Variants in EFCAB13 observed in about 807,000 individuals in gnomAD.
EFCAB13 encodes EF-hand calcium-binding domain-containing protein 13.
Under a neutral mutation model 110.2 loss-of-function variants are expected in EFCAB13, and 91 were observed. The ratio of observed to expected loss-of-function variants is 0.83; its 90% confidence interval spans 0.70 to 0.98. The LOEUF (loss-of-function observed/expected upper bound fraction) is 0.98. EFCAB13 is among the 50% of genes least tolerant of loss of function. The probability of loss-of-function intolerance (pLI) is 0.00; values close to 1 mark genes in which losing one functional copy is unlikely to be tolerated. For missense variants in EFCAB13, 968 were observed against 1,119.4 expected, an observed-to-expected ratio of 0.86 and a Z score of 1.93; for synonymous variants, 323 against 369.9, an observed-to-expected ratio of 0.87 and a Z score of 1.45.
At chr17:47,408,561 G>A (rs1312439175) in intron 20 of EFCAB13, among the ~76,000 whole-genome samples, 3 of 152,180 alleles carry the variant, frequency 2.0e-5, no homozygotes, top group South Asian at 2.1e-4. Context: ...GCTGAGGCAC[G>A]AGAATGCTTG....
At chr17:47,377,703 G>A in intron 12 of EFCAB13, 63 bp from the exon 13 acceptor site, 1 of 1,377,458 alleles carries the variant, frequency 7.3e-7, no homozygotes, top group Non-Finnish European at 9.7e-7. Context: ...AAGATTTTGA[G>A]TATTATTGCT....
chr17:47,371,062 G>GT (rs779767798), intron 11 of EFCAB13, among the ~76,000 whole-genome samples: 2,137 of 108,968 alleles, frequency 0.02, 19 homozygotes, highest in Middle Eastern at 0.069. Context: ...TTTAATGGTT[G>GT]TTTTTTTTTT....
rs1005240110 is a variant in EFCAB13, at chr17:47,441,081, GC to G, written c.*368del. 2 of 156,178 alleles carry G rather than the reference GC, an allele frequency of 1.3e-5. No homozygotes were observed. Among genetic ancestry groups the G allele is most frequent in the African/African-American group, 4.8e-5 (2 of 41,536 alleles). 9.7% of individuals were successfully genotyped at this position (156,178 alleles called of 1,614,324 possible). A position where few individuals can be genotyped will look rare whatever the true frequency, so the allele number is the denominator to read the frequency against. ...TTTCTTCCTCTACCCTGAGCCCCTG[GC>G]AACTACTGATTCATTCTTTGTCCCT... On this transcript the variant is annotated 3_prime_UTR_variant, in exon 25 of 25. Transcript: ENST00000331493.
intron 9 of EFCAB13, among the ~76,000 whole-genome samples, chr17:47,355,225 A>C (rs1029070887): frequency 6.6e-6 from 1 of 152,176 alleles, no homozygotes; most frequent in Non-Finnish European, 1.5e-5. Context: ...TCTAGCTTGT[A>C]GGGTTTCTGC....
At chr17:47,363,931 A>G (rs1469642219) in intron 10 of EFCAB13, among the ~76,000 whole-genome samples, 3 of 152,006 alleles carry the variant, frequency 2.0e-5, no homozygotes, top group South Asian at 2.1e-4. Context: ...GAAAATGTAA[A>G]ATGGGGATTT....
At chr17:47,373,723 T>C (rs908231332) in intron 11 of EFCAB13, among the ~76,000 whole-genome samples, 4 of 152,196 alleles carry the variant, frequency 2.6e-5, no homozygotes, top group Admixed American at 6.5e-5. Flanking sequence ...TTTCAGACTT[T>C]AATATTAAAA....
intron 23 of EFCAB13, among the ~76,000 whole-genome samples, chr17:47,421,437 C>G (rs558146351): frequency 8.5e-4 from 129 of 151,874 alleles, no homozygotes; most frequent in Non-Finnish European, 1.6e-3. Context: ...CAGCATGCTC[C>G]TTAAGAGTCA....
chr17:47,382,812 C>T lies in EFCAB13; in HGVS notation c.1582+3559C>T, dbSNP rs571399846. 1.6e-4 allele frequency among the ~76,000 whole-genome samples: 25 copies of T among 152,090 alleles called. No individual in the cohort carries two copies. The South Asian group carries it at 3.5e-3, about 21-fold the overall frequency. On this transcript the variant is annotated intron_variant, in intron 14 of 24. Transcript: ENST00000331493. ...GCTGGCCTCATAAAATGAGTTAGAG[C>T]GGAGTCCCCCCTTTTCTGTTGTTTG... is the stretch of plus-strand genomic sequence containing the variant.
chr17:47,374,480 G>C lies in EFCAB13; in HGVS notation c.886G>C (p.Glu296Gln). 6.6e-7 allele frequency: 1 copy of C among 1,505,854 alleles called. No homozygotes were observed. The highest frequency in any genetic ancestry group is 8.9e-7 in the Non-Finnish European group (1 of 1,128,582). The allele number at this position is 1,505,854 out of a possible 1,614,324, so 93.3% of individuals were successfully genotyped here. ...QEQYEDVSIT[E>Q]GSPLNEITSD... ...ATATTTCTCTTATTTAGCAATTACAGAAGGATCACCTTTGAATGAAATTAC... is the reference window on the plus strand; with the variant it reads ...ATATTTCTCTTATTTAGCAATTACACAAGGATCACCTTTGAATGAAATTAC... Residue 296 changes from glutamate (E) to glutamine (Q), a missense_variant, in exon 12 of 25, where the codon GAA becomes CAA. Transcript: ENST00000331493.
rs201234885 is a variant in EFCAB13 at position 47,335,365 on chromosome 17, A to C, written c.191+9A>C. The C allele has an allele frequency of 1.1e-5, 17 of 1,577,734 alleles. No homozygotes were observed. Among genetic ancestry groups the C allele is most frequent in the Non-Finnish European group, 1.3e-5 (15 of 1,168,656 alleles). On this transcript the variant is annotated intron_variant, in intron 5 of 24. Coordinates refer to ENST00000331493, the MANE Select transcript of EFCAB13 (RefSeq NM_152347.5). ...CCAGAATATAAAAAAATGTAAGTTA[A>C]AAACTCTGAACTTACTTTATTGAAT... is the stretch of plus-strand genomic sequence containing the variant.
At position 47,403,979 on chromosome 17, in the gene EFCAB13, AAAG is replaced by A. The variant is rs1598753116; in HGVS notation, c.2124_2126del (p.Glu709del). 1 of 1,608,676 alleles carries A rather than the reference AAAG, an allele frequency of 6.2e-7. No homozygotes were observed. Among genetic ancestry groups the A allele is most frequent in the Non-Finnish European group, 8.5e-7 (1 of 1,177,564 alleles). On this transcript the variant is annotated inframe_deletion, in exon 19 of 25. Coordinates refer to ENST00000331493, the MANE Select transcript of EFCAB13 (RefSeq NM_152347.5). Reference sequence around the variant, plus strand: ...AAGAAATGTTGGGATTAAGTCACCTAAAGAAGAGGTAGAGAAAATTCTTCAATC... The same window carrying A: ...AAGAAATGTTGGGATTAAGTCACCTAAAGAGGTAGAGAAAATTCTTCAATC...
At chr17:47,334,426 A>G (rs950143999) in intron 4 of EFCAB13, among the ~76,000 whole-genome samples, 1 of 152,174 alleles carries the variant, frequency 6.6e-6, no homozygotes, top group African/African-American at 2.4e-5. Context: ...TTGTCTTGAT[A>G]TGGTGTCTTT....
At position 47,374,458 on chromosome 17, in the gene EFCAB13, T is replaced by C; in HGVS notation, c.878-14T>C. On this transcript the variant is annotated splice_polypyrimidine_tract_variant and intron_variant, in intron 11 of 24. Coordinates refer to ENST00000331493, the MANE Select transcript of EFCAB13 (RefSeq NM_152347.5). ...TACAGGTAAATGAAATAATTGTATA[T>C]TTCTCTTATTTAGCAATTACAGAAG... 3 of 1,461,420 alleles carry C rather than the reference T, an allele frequency of 2.1e-6. No individual in the cohort carries two copies. The South Asian group carries it at 4.5e-5, about 22-fold the overall frequency. 90.5% of individuals were successfully genotyped at this position (1,461,420 alleles called of 1,614,324 possible). A position where few individuals can be genotyped will look rare whatever the true frequency, so the allele number is the denominator to read the frequency against.
intron 10 of EFCAB13, among the ~76,000 whole-genome samples, chr17:47,364,187 C>T (rs1042849832): frequency 2.0e-5 from 3 of 152,180 alleles, no homozygotes; most frequent in Admixed American, 6.5e-5. Context: ...AGGCAGAAAC[C>T]TGAGAGTCAT....
chr17:47,335,497 C>A, intron 5 of EFCAB13, 141 bp downstream of exon 5: 2 of 634,840 alleles, frequency 3.2e-6, no homozygotes, highest in Non-Finnish European at 4.8e-6. Context: ...CTTTCAGTAG[C>A]ATAATTTTAA....
At chr17:47,366,571 A>G (rs544179886) in intron 10 of EFCAB13, among the ~76,000 whole-genome samples, 224 of 152,300 alleles carry the variant, frequency 1.5e-3, no homozygotes, top group African/African-American at 5.2e-3. Flanking sequence ...CTCCAGAATT[A>G]TATACCTTAG....
At chr17:47,351,428 T>C (rs2065452761) in intron 9 of EFCAB13, among the ~76,000 whole-genome samples, 1 of 152,164 alleles carries the variant, frequency 6.6e-6, no homozygotes, top group African/African-American at 2.4e-5. Flanking sequence ...AGTGTAGGTA[T>C]CTTTTTGAGA....
chr17:47,375,672 G>A (rs1322990943), intron 12 of EFCAB13, among the ~76,000 whole-genome samples: 1 of 152,114 alleles, frequency 6.6e-6, no homozygotes, highest in Non-Finnish European at 1.5e-5. Flanking sequence ...GCCCTCTTTA[G>A]GGAGGAGCTT....
chr17:47,387,806 T>C (rs773411733), intron 14 of EFCAB13, among the ~76,000 whole-genome samples: 9 of 152,212 alleles, frequency 5.9e-5, no homozygotes, highest in Non-Finnish European at 1.0e-4. Context: ...CTTCCCAGGG[T>C]ATATATGCTT....
Sources: allele counts gnomAD v4.1 joint callset (sites outside exome capture counted in the v4.1 genomes callset), GRCh38; gene constraint gnomAD v4.1.1; transcripts MANE v1.5; gene names NCBI Gene and HGNC (gene_info 2026-07-23, HGNC 2026-07-21).